Variants in CYYR1 observed in about 807,000 individuals in gnomAD.
The protein encoded by CYYR1 is cysteine and tyrosine rich 1, also known as cysteine and tyrosine-rich protein 1.
Under a neutral mutation model 15.2 loss-of-function variants are expected in CYYR1, and 14 were observed. That is an observed-to-expected ratio of 0.92 (90% CI 0.61 to 1.44). The LOEUF is 1.44. Among genes scored for constraint, CYYR1 ranks in the 40% most tolerant of loss-of-function variants. The probability of loss-of-function intolerance (pLI) is 0.00; values close to 1 mark genes in which losing one functional copy is unlikely to be tolerated. For synonymous variants in CYYR1, 80 were observed against 77.4 expected, an observed-to-expected ratio of 1.03 and a Z score of -0.18; for missense variants, 228 against 209.5, an observed-to-expected ratio of 1.09 and a Z score of -0.54.
intron 2 of CYYR1, among the ~76,000 whole-genome samples, chr21:26,510,281 C>T (rs1241591054): frequency 6.6e-6 from 1 of 152,136 alleles, no homozygotes; most frequent in Non-Finnish European, 1.5e-5. Flanking sequence ...TCCTATTTTA[C>T]ATCAATATTT....
At chr21:26,516,734 T>G (rs1016271335) in intron 2 of CYYR1, among the ~76,000 whole-genome samples, 3 of 152,232 alleles carry the variant, frequency 2.0e-5, no homozygotes, top group South Asian at 2.1e-4. Flanking sequence ...AATCCTTTGC[T>G]TAACTGAATA....
chr21:26,502,845 T>A (rs1012553772), intron 2 of CYYR1, among the ~76,000 whole-genome samples: 2 of 152,160 alleles, frequency 1.3e-5, no homozygotes, highest in Non-Finnish European at 2.9e-5. Context: ...AAACAGGTGG[T>A]AGTCTGCTCT....
intron 2 of CYYR1, among the ~76,000 whole-genome samples, chr21:26,521,161 C>G (rs908381301): frequency 2.0e-5 from 3 of 152,060 alleles, no homozygotes; most frequent in East Asian, 3.8e-4. Context: ...ATGTAACAAA[C>G]CTGCACATCC....
chr21:26,554,480 A>T (rs1361464350), intron 2 of CYYR1, among the ~76,000 whole-genome samples: 1 of 152,154 alleles, frequency 6.6e-6, no homozygotes, highest in Non-Finnish European at 1.5e-5. Flanking sequence ...CTTTTCAGGC[A>T]GTATTATGCC....
chr21:26,550,307 C>A (rs1979295884), intron 2 of CYYR1: 2 of 152,158 alleles, frequency 1.3e-5, no homozygotes, highest in Admixed American at 6.6e-5. Context: ...CAATCTTTCT[C>A]TCTCCCCTCA....
chr21:26,573,220 A>T lies in CYYR1; in HGVS notation c.-280T>A. 7.0e-7 allele frequency: 1 copy of T among 1,419,428 alleles called. No individual in the cohort carries two copies. Among genetic ancestry groups the T allele is most frequent in the Non-Finnish European group, 9.3e-7 (1 of 1,077,674 alleles). 87.9% of individuals were successfully genotyped at this position (1,419,428 alleles called of 1,614,324 possible). On this transcript the variant is annotated 5_prime_UTR_variant, in exon 1 of 4. Transcript: ENST00000652641. The stretch of plus-strand genomic sequence containing the variant: ...GCCCCACTGCGCTCAGGCGCGGGGA[A>T]GGCGGCCACTCCGGCGTCCTTGGCC...
chr21:26,511,436 A>G (rs1037426512), intron 2 of CYYR1, among the ~76,000 whole-genome samples: 2 of 152,238 alleles, frequency 1.3e-5, no homozygotes, highest in Non-Finnish European at 2.9e-5. Flanking sequence ...TGTGATGAAC[A>G]AAAGAAGATG....
intron 3 of CYYR1, among the ~76,000 whole-genome samples, chr21:26,469,454 C>G (rs1175856201): frequency 6.6e-6 from 1 of 151,904 alleles, no homozygotes; most frequent in East Asian, 1.9e-4. Context: ...TACCATATGT[C>G]AGTGTTTTAA....
At chr21:26,542,739 A>G (rs1242392583) in intron 2 of CYYR1, among the ~76,000 whole-genome samples, 2 of 152,310 alleles carry the variant, frequency 1.3e-5, no homozygotes, top group East Asian at 3.9e-4. Context: ...ATCAATGTAT[A>G]AAGTAATTAC....
chr21:26,558,629 T>C lies in CYYR1; in HGVS notation c.176+7637A>G, dbSNP rs150417085. On this transcript the variant is annotated intron_variant, in intron 2 of 3. Coordinates refer to ENST00000652641, the MANE Select transcript of CYYR1 (RefSeq NM_001320768.2). ...TCTCAGTCCTGGGCAATCCTGAAATTCATTGGTACTCTTCTCTCCCTCAGA... is the reference window on the plus strand; with the variant it reads ...TCTCAGTCCTGGGCAATCCTGAAATCCATTGGTACTCTTCTCTCCCTCAGA... Among the ~76,000 whole-genome samples, 865 of 152,282 alleles carry C rather than the reference T, an allele frequency of 5.7e-3. 3 individuals are homozygous for C. Among genetic ancestry groups the C allele is most frequent in the African/African-American group, 0.02 (819 of 41,556 alleles).
chr21:26,549,308 C>A (rs1979211919), intron 2 of CYYR1, among the ~76,000 whole-genome samples: 1 of 152,044 alleles, frequency 6.6e-6, no homozygotes, highest in Admixed American at 6.6e-5. Flanking sequence ...AAGAAAAGAG[C>A]CAGGATCATT....
At chr21:26,550,036 C>A (rs1230129938) in intron 2 of CYYR1, among the ~76,000 whole-genome samples, 1 of 152,138 alleles carries the variant, frequency 6.6e-6, no homozygotes, top group Non-Finnish European at 1.5e-5. Context: ...TCTATTGGCA[C>A]AATTTTTCCA....
chr21:26,467,651 CT>C lies in CYYR1; in HGVS notation c.*849del, dbSNP rs1414135599. On this transcript the variant is annotated 3_prime_UTR_variant, in exon 4 of 4. Coordinates refer to ENST00000652641, the MANE Select transcript of CYYR1 (RefSeq NM_001320768.2). ...TTTTTCTCCCCACAGTTAGAATAAC[CT>C]TTATTCTGATCCACTATAAAGCCAG... is the stretch of plus-strand genomic sequence containing the variant. The C allele has an allele frequency of 6.6e-6, 1 of 151,972 alleles. No individual in the cohort carries two copies. The allele number at this position is 151,972 out of a possible 1,614,324, so 9.4% of individuals were successfully genotyped here.
chr21:26,568,669 A>G (rs889042387), intron 1 of CYYR1: 1 of 152,184 alleles, frequency 6.6e-6, no homozygotes, highest in African/African-American at 2.4e-5. Context: ...AGAGTAAACA[A>G]TCTACAGAAT....
In CYYR1 at chr21:26,542,751, A is replaced by G. The variant is rs1163537499; in HGVS notation, c.176+23515T>C. Among the ~76,000 whole-genome samples the G allele has an allele frequency of 4.6e-5, 7 of 152,324 alleles. No homozygotes were observed. In the South Asian group the frequency reaches 1.0e-3, roughly 23 times the overall value. The stretch of plus-strand genomic sequence containing the variant: ...CTAATCAATGTATAAAGTAATTACT[A>G]GATGTACAAAGTGAATTTAGCAATG... On this transcript the variant is annotated intron_variant, in intron 2 of 3. Transcript: ENST00000652641.
chr21:26,531,575 C>T (rs1212644947), intron 2 of CYYR1, among the ~76,000 whole-genome samples: 3 of 152,090 alleles, frequency 2.0e-5, no homozygotes, highest in Non-Finnish European at 4.4e-5. Flanking sequence ...GTCATGCTTG[C>T]TTCTCCTTCA....
At chr21:26,486,622 T>A (rs2065251332) in intron 2 of CYYR1, among the ~76,000 whole-genome samples, 1 of 152,098 alleles carries the variant, frequency 6.6e-6, no homozygotes, top group Non-Finnish European at 1.5e-5. Context: ...TTAGCTAATT[T>A]TTTTTTCTTT....
At chr21:26,503,768 C>T (rs1358812894) in intron 2 of CYYR1, 1 of 152,132 alleles carries the variant, frequency 6.6e-6, no homozygotes, top group African/African-American at 2.4e-5. Context: ...ATAATCATAA[C>T]AGCTCAAGTA....
At chr21:26,513,935 G>T in intron 2 of CYYR1, among the ~76,000 whole-genome samples, 1 of 121,962 alleles carries the variant, frequency 8.2e-6, no homozygotes. Context: ...GAGGGGGGAG[G>T]GATACCATTA....
Sources: allele counts gnomAD v4.1 joint callset (sites outside exome capture counted in the v4.1 genomes callset), GRCh38; gene constraint gnomAD v4.1.1; transcripts MANE v1.5; gene names NCBI Gene and HGNC (gene_info 2026-07-23, HGNC 2026-07-21).